The following GSE1 variants were observed in gnomAD, a reference collection of about 807,000 sequenced individuals.
The protein encoded by GSE1 is genetic suppressor element 1.
Under a neutral mutation model 112.6 loss-of-function variants are expected in GSE1, and 32 were observed. That is an observed-to-expected ratio of 0.28 (90% confidence interval 0.21 to 0.38). The LOEUF is 0.38. Among genes scored for constraint, GSE1 ranks in the 10% least tolerant of loss-of-function variants. GSE1 has a pLI of 1.00. For missense variants in GSE1, 2,348 were observed against 1,699.2 expected (o/e 1.38, Z -6.71); for synonymous variants, 1,115 against 735.6 (o/e 1.52, Z -8.35).
At position 85,182,076 on chromosome 16, in the gene GSE1, C is replaced by T. The variant is rs550779454; in HGVS notation, c.2283+10269C>T. Among the ~76,000 whole-genome samples the T allele has an allele frequency of 2.4e-4, 37 of 152,288 alleles. No homozygotes were observed. In the East Asian group the frequency reaches 5.6e-3, roughly 23 times the overall value. ...CTTCGTGCTCTGCTTCCAGGCTGCG[C>T]GGCATCCCCAGCAAGGCTGTTCACA... is the stretch of plus-strand genomic sequence containing the variant. On this transcript the variant is annotated intron_variant, in intron 1 of 2. Coordinates refer to the GSE1 transcript ENST00000637419.
At chr16:85,171,688 G>A in exon 1 of GSE1, 1 of 985,668 alleles carries the variant, frequency 1.0e-6, no homozygotes, top group Non-Finnish European at 1.2e-6. Context: ...GTTGGTGGAT[G>A]ACGGACAGCA....
intron 1 of GSE1, among the ~76,000 whole-genome samples, chr16:85,338,244 C>T (rs970587030): frequency 2.0e-5 from 3 of 152,368 alleles, no homozygotes; most frequent in African/African-American, 4.8e-5. Flanking sequence ...TCTCCAGATG[C>T]GCCTTTTTCC....
At chr16:85,649,258 G>A (rs2051135094) in intron 3 of GSE1, among the ~76,000 whole-genome samples, 1 of 152,100 alleles carries the variant, frequency 6.6e-6, no homozygotes, top group Admixed American at 6.5e-5. Context: ...TGAGGCCCTG[G>A]GCATCAGGGC....
At chr16:85,350,601 C>G (rs1373762947) in intron 1 of GSE1, among the ~76,000 whole-genome samples, 1 of 152,140 alleles carries the variant, frequency 6.6e-6, no homozygotes, top group Non-Finnish European at 1.5e-5. Context: ...CACACCCCTT[C>G]AAGCTTTGAG....
intron 2 of GSE1, among the ~76,000 whole-genome samples, chr16:85,376,621 C>G (rs1346312322): frequency 6.6e-6 from 1 of 152,186 alleles, no homozygotes; most frequent in Non-Finnish European, 1.5e-5. Context: ...TCGTGGGAGG[C>G]GGGCTGTCAC....
chr16:85,404,177 CCTCACCGTTACACTCAGGGCCCCCCT>C (rs2048194211), intron 2 of GSE1, among the ~76,000 whole-genome samples: 1 of 84,158 alleles, frequency 1.2e-5, no homozygotes, highest in Admixed American at 1.0e-4. Context: ...CCCGGATAAT[CCTCACCGTTACACTCAGGGCCCCCCT>C]GGATAATCCT....
At chr16:85,228,559 C>G (rs1367348646) in intron 1 of GSE1, among the ~76,000 whole-genome samples, 2 of 152,240 alleles carry the variant, frequency 1.3e-5, no homozygotes, top group Admixed American at 1.3e-4. Context: ...ATAATATCGC[C>G]TATCTCTTGG....
intron 1 of GSE1, among the ~76,000 whole-genome samples, chr16:85,589,810 ATGTGAGTGTGAATATGTGTGAATGTG>A (rs375095593): frequency 6.9e-6 from 1 of 144,404 alleles, no homozygotes; most frequent in African/African-American, 2.9e-5. Context: ...ACGTGTGTGA[ATGTGAGTGTGAATATGTGTGAATGTG>A]TGTGAACATG....
At chr16:85,191,079 T>C (rs1323361159) in intron 1 of GSE1, among the ~76,000 whole-genome samples, 1 of 152,148 alleles carries the variant, frequency 6.6e-6, no homozygotes, top group East Asian at 1.9e-4. Flanking sequence ...GCCAACATGG[T>C]GAAACCCTGT....
intron 2 of GSE1, among the ~76,000 whole-genome samples, chr16:85,513,043 C>T (rs969540858): frequency 2.0e-5 from 3 of 152,162 alleles, no homozygotes; most frequent in Non-Finnish European, 2.9e-5. Context: ...TCTGCTTTCT[C>T]GGGACCCACA....
intron 1 of GSE1, among the ~76,000 whole-genome samples, chr16:85,320,426 C>T (rs1382548003): frequency 7.0e-6 from 1 of 142,498 alleles, no homozygotes; most frequent in East Asian, 2.1e-4. Flanking sequence ...ACAGGGCCGC[C>T]ACCATACCCG....
upstream of GSE1, chr16:85,555,924 C>T (rs189167158): frequency 1.2e-5 from 12 of 967,554 alleles, no homozygotes; most frequent in African/African-American, 8.9e-5. Context: ...TCCTCTTCCC[C>T]GCCTGCTTCC....
chr16:85,372,600 C>A (rs761773681), intron 2 of GSE1, among the ~76,000 whole-genome samples: 1 of 152,162 alleles, frequency 6.6e-6, no homozygotes, highest in Non-Finnish European at 1.5e-5. Context: ...TAGTGAGCTC[C>A]CCATCCCTGA....
At chr16:85,401,995 A>G (rs528504998) in intron 2 of GSE1, among the ~76,000 whole-genome samples, 1 of 152,350 alleles carries the variant, frequency 6.6e-6, no homozygotes, top group East Asian at 1.9e-4. Context: ...CCTGAGGGAC[A>G]GCAGCTGCGC....
At chr16:85,598,419 C>T (rs955789521) in intron 1 of GSE1, among the ~76,000 whole-genome samples, 3 of 152,166 alleles carry the variant, frequency 2.0e-5, no homozygotes, top group South Asian at 4.1e-4. Flanking sequence ...CCCAGAGCCG[C>T]GTGTCTGGCC....
chr16:85,260,172 G>A (rs1344075159), intron 1 of GSE1, among the ~76,000 whole-genome samples: 1 of 152,156 alleles, frequency 6.6e-6, no homozygotes, highest in East Asian at 1.9e-4. Flanking sequence ...TGGGGCTCAC[G>A]GCAGCCCACT....
chr16:85,575,900 C>A (rs1222774239), intron 1 of GSE1, among the ~76,000 whole-genome samples: 2 of 136,486 alleles, frequency 1.5e-5, no homozygotes, highest in Admixed American at 7.2e-5. Context: ...TGCCTCGTTT[C>A]TGTTTTTTTT....
At chr16:85,213,602 C>T (rs1057245568) in intron 1 of GSE1, among the ~76,000 whole-genome samples, 2 of 152,248 alleles carry the variant, frequency 1.3e-5, no homozygotes, top group Non-Finnish European at 2.9e-5. Flanking sequence ...GCTATGGCTC[C>T]TGCACGGATT....
At chr16:85,334,989 C>A (rs560491622) in intron 1 of GSE1, among the ~76,000 whole-genome samples, 1 of 152,330 alleles carries the variant, frequency 6.6e-6, no homozygotes, top group South Asian at 2.1e-4. Context: ...CTCCCGCCAC[C>A]CCTGGAAGCC....
Sources: gnomAD v4.1 joint callset for allele counts (sites outside exome capture counted in the v4.1 genomes callset) on GRCh38, gnomAD v4.1.1 for gene constraint, MANE v1.5 for transcripts, NCBI Gene and HGNC (gene_info 2026-07-23, HGNC 2026-07-21) for gene names.